ADGRA3: variants seen among roughly 807,000 people sequenced by gnomAD.
The protein encoded by ADGRA3 is adhesion G protein-coupled receptor A3.
A neutral mutation model predicts 119.8 loss-of-function variants in ADGRA3; 56 were observed. The ratio of observed to expected loss-of-function variants is 0.47; its 90% CI spans 0.38 to 0.58. The LOEUF (loss-of-function observed/expected upper bound fraction) is 0.58. Ranked by LOEUF, ADGRA3 falls within the 20% of genes least tolerant of loss-of-function variation. ADGRA3 has a pLI of 0.00. For synonymous variants in ADGRA3, 607 were observed against 623.8 expected (o/e 0.97, Z 0.40); for missense variants, 1,516 against 1,649.0 (o/e 0.92, Z 1.40).
chr4:22,455,860 C>A (rs752616478), intron 3 of ADGRA3: 13 of 1,269,958 alleles, frequency 1.0e-5, no homozygotes, highest in South Asian at 1.3e-5. Context: ...TAGCCCTATG[C>A]AAGAAAACCC....
intron 1 of ADGRA3, among the ~76,000 whole-genome samples, chr4:22,510,296 C>T (rs1250917903): frequency 6.6e-6 from 1 of 152,146 alleles, no homozygotes; most frequent in African/African-American, 2.4e-5. Flanking sequence ...TCACGGAGGG[C>T]ACCAGACTCC....
At chr4:22,407,010 G>A (rs1326329452) in intron 14 of ADGRA3, among the ~76,000 whole-genome samples, 4 of 152,162 alleles carry the variant, frequency 2.6e-5, no homozygotes, top group Admixed American at 2.0e-4. Context: ...AGTGGCTAAC[G>A]CCTGTAATCC....
chr4:22,444,910 A>T, intron 6 of ADGRA3, 63 bp downstream of exon 6: 1 of 1,538,240 alleles, frequency 6.5e-7, no homozygotes, highest in Non-Finnish European at 9.0e-7. Flanking sequence ...CAATTTGTCA[A>T]GAAAAACATG....
chr4:22,442,696 T>A lies in ADGRA3; in HGVS notation c.874A>T (p.Ile292Phe). Residue 292 changes from isoleucine to phenylalanine, a missense_variant, in exon 7 of 19, where the codon ATT (isoleucine) becomes TTT (phenylalanine). Physicochemically the swap from Ile to Phe is conservative, Grantham distance 21 (BLOSUM62 0). Around this residue, in one of 2 missense-constraint regions of ADGRA3, gnomAD observed 428 missense variants for 541.9 expected, o/e 0.79. Coordinates refer to ENST00000334304, the MANE Select transcript of ADGRA3 (RefSeq NM_145290.4). ...TGAATCATGTTCTTTTCAACAAAAATACCTTGCGATTCATCGGTTTCAACT... is the reference window on the plus strand; with the variant it reads ...TGAATCATGTTCTTTTCAACAAAAAAACCTTGCGATTCATCGGTTTCAACT... ...RIVETDESQGIFVEKNMIHNC... is the reference protein window; with the variant it reads ...RIVETDESQGFFVEKNMIHNC... The A allele has an allele frequency of 6.2e-7, 1 of 1,613,066 alleles. No individual in the cohort carries two copies. Among genetic ancestry groups the A allele is most frequent in the Non-Finnish European group, 8.5e-7 (1 of 1,179,640 alleles).
chr4:22,390,371 TATATATATA>T (rs1714076351), intron 17 of ADGRA3, among the ~76,000 whole-genome samples: 1 of 12,404 alleles, frequency 8.1e-5, no homozygotes, highest in Non-Finnish European at 2.5e-4. Context: ...ATACGTATTA[TATATATATA>T]ATACGTATTA....
chr4:22,492,098 T>C (rs1718641621), intron 1 of ADGRA3, among the ~76,000 whole-genome samples: 1 of 152,148 alleles, frequency 6.6e-6, no homozygotes, highest in Non-Finnish European at 1.5e-5. Context: ...TCCAATACAC[T>C]GCCCATGTTA....
In ADGRA3 at chr4:22,436,479, A is replaced by G; in HGVS notation, c.1248T>C (p.Tyr416=). ...WADDDYSRCQ[Y]ANDVTRVLYM... ...AAAGAACTCTAGTGACATCATTTGC[A>G]TACTGACAGCGAGAATAATCATCAT... The change falls in exon 9 of 19, where the codon TAT becomes TAC. Residue 416 remains tyrosine, a synonymous_variant. Coordinates refer to ENST00000334304, the MANE Select transcript of ADGRA3 (RefSeq NM_145290.4). 2 of 1,612,408 alleles carry G rather than the reference A, an allele frequency of 1.2e-6. No individual in the cohort carries two copies. Among genetic ancestry groups the G allele is most frequent in the Non-Finnish European group, 1.7e-6 (2 of 1,179,810 alleles).
intron 2 of ADGRA3, among the ~76,000 whole-genome samples, chr4:22,469,104 T>C (rs1717767792): frequency 1.3e-5 from 2 of 152,094 alleles, no homozygotes; most frequent in African/African-American, 4.8e-5. Flanking sequence ...CTATGTACTC[T>C]TCCTGCAGAT....
rs541512042 is a variant in ADGRA3 at position 22,422,533 on chromosome 4, C to A, written c.1606-1444G>T. 2.0e-5 allele frequency among the ~76,000 whole-genome samples: 3 copies of A among 151,758 alleles called. No individual in the cohort carries two copies. In the South Asian group the frequency reaches 6.3e-4, roughly 32 times the overall value. ...AGACACATGTAAACAACCACCAGATCTTCTGACAAGCAGCAGTCATTAGGC... is the reference window on the plus strand; with the variant it reads ...AGACACATGTAAACAACCACCAGATATTCTGACAAGCAGCAGTCATTAGGC... On this transcript the variant is annotated intron_variant, in intron 11 of 18. Coordinates refer to ENST00000334304, the MANE Select transcript of ADGRA3 (RefSeq NM_145290.4).
intron 2 of ADGRA3, among the ~76,000 whole-genome samples, chr4:22,471,319 A>T (rs1456384115): frequency 6.6e-6 from 1 of 152,118 alleles, no homozygotes; most frequent in Non-Finnish European, 1.5e-5. Context: ...TTGAGCGGGG[A>T]AGATGGGAGG....
chr4:22,507,210 A>G (rs1719272287), intron 1 of ADGRA3, among the ~76,000 whole-genome samples: 2 of 152,182 alleles, frequency 1.3e-5, no homozygotes, highest in Admixed American at 1.3e-4. Context: ...ACTGCACTCC[A>G]GCCTGGGCAA....
Position 22,499,000 on chromosome 4 carries a change from G to T in ADGRA3, c.257+16528C>A, listed in dbSNP as rs1193442842. Among the ~76,000 whole-genome samples, 3 of 152,182 alleles carry T rather than the reference G, an allele frequency of 2.0e-5. No homozygotes were observed. The East Asian group carries it at 5.8e-4, about 29-fold the overall frequency. ...TCCCAACACAGGCATTAGCCCTAGG[G>T]GAAAGAGGGCAGGTCTCAGCTTGTA... On this transcript the variant is annotated intron_variant, in intron 1 of 18. Coordinates refer to ENST00000334304, the MANE Select transcript of ADGRA3 (RefSeq NM_145290.4).
intron 10 of ADGRA3, among the ~76,000 whole-genome samples, chr4:22,428,534 C>T (rs760660007): frequency 3.9e-5 from 6 of 152,160 alleles, no homozygotes; most frequent in Non-Finnish European, 5.9e-5. Context: ...TTAACAGACA[C>T]ATGCATAGGT....
chr4:22,455,107 T>C (rs1341969704), intron 3 of ADGRA3, among the ~76,000 whole-genome samples, 170 bp from the exon 4 acceptor site: 1 of 152,218 alleles, frequency 6.6e-6, no homozygotes, highest in Non-Finnish European at 1.5e-5. Flanking sequence ...AGGCTGAAAA[T>C]GATCCTTGCT....
chr4:22,479,239 G>A lies in ADGRA3; in HGVS notation c.258-5396C>T, dbSNP rs866500273. 2.0e-4 allele frequency among the ~76,000 whole-genome samples: 31 copies of A among 152,198 alleles called. 1 individual carries two copies. Among genetic ancestry groups the A allele is most frequent in the Middle Eastern group, 6.8e-3 (2 of 292 alleles). On this transcript the variant is annotated intron_variant, in intron 1 of 18. Transcript: ENST00000334304. The stretch of plus-strand genomic sequence containing the variant: ...AGCACTTTGGGAGGCCGAGGCGGGC[G>A]GATCATGAGGTCAGGAGATGAAGAC...
At chr4:22,476,614 G>A (rs567605581) in intron 1 of ADGRA3, among the ~76,000 whole-genome samples, 5 of 151,420 alleles carry the variant, frequency 3.3e-5, no homozygotes, top group South Asian at 4.2e-4. Flanking sequence ...CAAAATGATC[G>A]CTATTTTAGT....
At chr4:22,438,492 T>C (rs901572752) in intron 7 of ADGRA3, 72 bp from the exon 8 acceptor site, 19 of 1,194,208 alleles carry the variant, frequency 1.6e-5, no homozygotes, top group Non-Finnish European at 2.2e-5. Flanking sequence ...TGGGTCTCAA[T>C]CATTAATTTA....
chr4:22,425,212 A>T (rs1451193227), intron 10 of ADGRA3, among the ~76,000 whole-genome samples: 2 of 152,058 alleles, frequency 1.3e-5, no homozygotes, highest in Non-Finnish European at 2.9e-5. Flanking sequence ...CCCCTTGCAC[A>T]CGTGGTTTCC....
chr4:22,476,020 C>T (rs184276690), intron 1 of ADGRA3, among the ~76,000 whole-genome samples: 26 of 152,202 alleles, frequency 1.7e-4, no homozygotes, highest in East Asian at 1.2e-3. Flanking sequence ...CTCCACCACC[C>T]GACAAAGCTA....
Sources: gnomAD v4.1 joint callset for allele counts (sites outside exome capture counted in the v4.1 genomes callset) on GRCh38, gnomAD v4.1.1 for gene constraint, gnomAD v4.1.1 regional missense constraint, MANE v1.5 for transcripts, NCBI Gene and HGNC (gene_info 2026-07-23, HGNC 2026-07-21) for gene names.